TBC1D22A: variants seen among roughly 807,000 people sequenced by gnomAD.
The protein encoded by TBC1D22A is putative GTPase activator.
TBC1D22A carries 38 observed loss-of-function variants against 60.2 expected under a neutral mutation model. That is an observed-to-expected ratio of 0.63 (90% CI 0.49 to 0.83). The LOEUF is 0.83. TBC1D22A is among the 40% of genes least tolerant of loss of function. The pLI, the probability that TBC1D22A is intolerant of heterozygous loss-of-function variation, is 0.00. For missense variants in TBC1D22A, 628 were observed against 701.0 expected, an observed-to-expected ratio of 0.90 and a Z score of 1.18; for synonymous variants, 302 against 281.7, an observed-to-expected ratio of 1.07 and a Z score of -0.72.
intron 8 of TBC1D22A, among the ~76,000 whole-genome samples, chr22:46,951,004 A>G (rs1354269132): frequency 6.6e-6 from 1 of 152,190 alleles, no homozygotes; most frequent in East Asian, 1.9e-4. Context: ...ATCCATCCGT[A>G]GAAGTGTGTA....
intron 8 of TBC1D22A, among the ~76,000 whole-genome samples, chr22:46,941,641 A>T (rs867010128): frequency 1.7e-4 from 15 of 90,576 alleles, no homozygotes; most frequent in East Asian, 1.2e-3. Context: ...TATACGCGGA[A>T]TATATATACG....
At chr22:46,872,575 T>C (rs1203908406) in intron 4 of TBC1D22A, among the ~76,000 whole-genome samples, 1 of 152,130 alleles carries the variant, frequency 6.6e-6, no homozygotes, top group East Asian at 1.9e-4. Flanking sequence ...CCCTGTGAGA[T>C]AGGAGATAAG....
At chr22:46,892,386 A>G (rs1328484689) in intron 6 of TBC1D22A, among the ~76,000 whole-genome samples, 2 of 152,180 alleles carry the variant, frequency 1.3e-5, no homozygotes, top group Admixed American at 1.3e-4. Flanking sequence ...GCAGCTTCAA[A>G]GACGGATGGG....
chr22:47,004,523 A>C (rs1279323633), intron 10 of TBC1D22A, among the ~76,000 whole-genome samples: 1 of 149,730 alleles, frequency 6.7e-6, no homozygotes, highest in Non-Finnish European at 1.5e-5. Flanking sequence ...ACATATGCCT[A>C]TACACACACC....
rs976709000 is a variant in TBC1D22A, at chr22:46,884,836, G to C, written c.708+6113G>C. On this transcript the variant is annotated intron_variant, in intron 5 of 12. Transcript: ENST00000337137. ...AGGGGCACTGAGGCAGGAGAGGTGT[G>C]GCATTTAAGGAACATTTAAGCAGCG... Among the ~76,000 whole-genome samples the C allele has an allele frequency of 2.6e-5, 4 of 152,276 alleles. No homozygotes were observed. In the South Asian group the frequency reaches 8.3e-4, roughly 32 times the overall value.
intron 4 of TBC1D22A, among the ~76,000 whole-genome samples, chr22:46,853,770 A>C (rs2087416626): frequency 6.6e-6 from 1 of 152,114 alleles, no homozygotes; most frequent in African/African-American, 2.4e-5. Flanking sequence ...CTGAGCACTC[A>C]CTCGAGGCAG....
rs746731289 is a variant in TBC1D22A at position 47,078,877 on chromosome 22, TAG to T, written c.1330-32626_1330-32625del. Among the ~76,000 whole-genome samples the T allele has an allele frequency of 2.3e-3, 349 of 152,218 alleles. 1 individual carries two copies. Among genetic ancestry groups the T allele is most frequent in the Non-Finnish European group, 3.3e-3 (227 of 68,000 alleles). On this transcript the variant is annotated intron_variant, in intron 11 of 12. Coordinates refer to ENST00000337137, the MANE Select transcript of TBC1D22A (RefSeq NM_014346.5). ...CTCCTCAGGAGCTGCTGTAGTATGA[TAG>T]AGAGTATTGGGGTGGAAAGGCTCAC... is the stretch of plus-strand genomic sequence containing the variant.
intron 4 of TBC1D22A, among the ~76,000 whole-genome samples, chr22:46,860,787 G>C (rs1190580139): frequency 2.0e-5 from 3 of 152,174 alleles, no homozygotes; most frequent in Non-Finnish European, 4.4e-5. Flanking sequence ...CGGGTCTCCT[G>C]GAGCAGTGAG....
chr22:46,904,109 A>ATCTGTCTGTCTGTCTG (rs1176935651), intron 7 of TBC1D22A, among the ~76,000 whole-genome samples: 39 of 65,676 alleles, frequency 5.9e-4, no homozygotes, highest in African/African-American at 1.5e-3. Context: ...CTATCTATCT[A>ATCTGTCTGTCTGTCTG]TCTATCTATC....
At chr22:46,846,563 C>T (rs1025131212) in intron 4 of TBC1D22A, among the ~76,000 whole-genome samples, 1 of 152,178 alleles carries the variant, frequency 6.6e-6, no homozygotes, top group African/African-American at 2.4e-5. Flanking sequence ...CCACCTTTAC[C>T]ATCTCTCACA....
At chr22:47,056,791 C>T (rs1382314141) in intron 11 of TBC1D22A, among the ~76,000 whole-genome samples, 4 of 152,202 alleles carry the variant, frequency 2.6e-5, no homozygotes, top group Non-Finnish European at 4.4e-5. Context: ...GGATACAGCT[C>T]GCTCCACCTC....
intron 3 of TBC1D22A, among the ~76,000 whole-genome samples, chr22:46,794,321 G>A (rs1200222528): frequency 9.2e-5 from 14 of 152,224 alleles, no homozygotes; most frequent in Admixed American, 7.8e-4. Context: ...GTGCGTACAC[G>A]TGGGCTCAGG....
At chr22:47,126,013 G>A (rs1018092849) in intron 12 of TBC1D22A, among the ~76,000 whole-genome samples, 8 of 152,064 alleles carry the variant, frequency 5.3e-5, no homozygotes, top group African/African-American at 1.4e-4. Context: ...ACAGAGTCTC[G>A]CTCTGTCGGC....
At chr22:47,081,462 A>T (rs907042456) in intron 11 of TBC1D22A, among the ~76,000 whole-genome samples, 3 of 152,176 alleles carry the variant, frequency 2.0e-5, no homozygotes, top group Non-Finnish European at 4.4e-5. Context: ...CACTACTTCT[A>T]TTCAGTATTG....
chr22:47,088,984 G>T (rs1255012825), intron 11 of TBC1D22A, among the ~76,000 whole-genome samples: 1 of 152,206 alleles, frequency 6.6e-6, no homozygotes, highest in Non-Finnish European at 1.5e-5. Context: ...ATGGAACTCA[G>T]CAGGGGAATA....
At chr22:46,916,760 G>A (rs1056977250) in intron 8 of TBC1D22A, among the ~76,000 whole-genome samples, 6 of 152,228 alleles carry the variant, frequency 3.9e-5, no homozygotes, top group Non-Finnish European at 5.9e-5. Context: ...AGGGGCAGCC[G>A]TGTGCAAAGC....
At chr22:47,172,482 G>A (rs1428742006) in intron 12 of TBC1D22A, among the ~76,000 whole-genome samples, 3 of 152,172 alleles carry the variant, frequency 2.0e-5, no homozygotes, top group African/African-American at 7.2e-5. Flanking sequence ...ACTTATAATT[G>A]TTGCTTATTC....
chr22:47,073,870 G>A (rs2064104097), intron 11 of TBC1D22A, among the ~76,000 whole-genome samples: 1 of 152,178 alleles, frequency 6.6e-6, no homozygotes, highest in Non-Finnish European at 1.5e-5. Flanking sequence ...GCACACACCT[G>A]TAATCTCAGC....
intron 9 of TBC1D22A, among the ~76,000 whole-genome samples, chr22:46,989,884 C>T (rs1238124038): frequency 6.6e-6 from 1 of 152,004 alleles, no homozygotes; most frequent in African/African-American, 2.4e-5. Context: ...CTCACTGCAA[C>T]CTCTGTCTCC....
Sources: allele counts gnomAD v4.1 joint callset (sites outside exome capture counted in the v4.1 genomes callset), GRCh38; gene constraint gnomAD v4.1.1; transcripts MANE v1.5; gene names NCBI Gene and HGNC (gene_info 2026-07-23, HGNC 2026-07-21).